TMEM87A: variants seen among roughly 807,000 people sequenced by gnomAD.
The protein encoded by TMEM87A is transmembrane protein 87A.
TMEM87A carries 50 observed loss-of-function variants against 90.0 expected under a neutral mutation model. The ratio of observed to expected loss-of-function variants is 0.56; its 90% CI spans 0.44 to 0.70. TMEM87A has a LOEUF of 0.70. TMEM87A is among the 30% of genes least tolerant of loss of function. The pLI is 0.00. For missense variants in TMEM87A, 577 were observed against 660.5 expected, an observed-to-expected ratio of 0.87 and a Z score of 1.39; for synonymous variants, 226 against 226.7, an observed-to-expected ratio of 1.00 and a Z score of 0.03.
intron 4 of TMEM87A, among the ~76,000 whole-genome samples, chr15:42,262,748 A>G (rs1156410408): frequency 1.3e-5 from 2 of 152,210 alleles, no homozygotes; most frequent in African/African-American, 4.8e-5. Flanking sequence ...TGTCTTCTTA[A>G]TAATAAACTT....
chr15:42,243,583 G>A (rs2050914701), intron 7 of TMEM87A, among the ~76,000 whole-genome samples: 1 of 146,854 alleles, frequency 6.8e-6, no homozygotes, highest in Non-Finnish European at 1.5e-5. Flanking sequence ...GGAATGGCGT[G>A]ATCTCGGCTC....
chr15:42,228,799 T>C lies in TMEM87A; in HGVS notation c.1153A>G (p.Thr385Ala). 1 of 1,601,144 alleles carries C rather than the reference T, an allele frequency of 6.2e-7. No homozygotes were observed. The highest frequency in any genetic ancestry group is 8.5e-7 in the Non-Finnish European group (1 of 1,175,340). The change falls in exon 13 of 20, where the codon ACA (threonine) becomes GCA (alanine). Residue 385 changes from threonine (T) to alanine (A), a missense_variant. Coordinates refer to ENST00000389834, the MANE Select transcript of TMEM87A (RefSeq NM_015497.5). ...CWWIFISLTQ[T>A]MKLLKLRRNI... The stretch of plus-strand genomic sequence containing the variant: ...CTCCGAAGTTTTAATAGCTTCATTG[T>C]TTGAGTCAGGCTAATAAATATGTGT...
chr15:42,213,484 T>G (rs901138306), intron 19 of TMEM87A, among the ~76,000 whole-genome samples: 3 of 152,122 alleles, frequency 2.0e-5, no homozygotes, highest in South Asian at 2.1e-4. Flanking sequence ...ATGGTTTCTG[T>G]AGGGAATGGT....
At chr15:42,249,576 A>C (rs962136424) in intron 6 of TMEM87A, among the ~76,000 whole-genome samples, 3 of 152,116 alleles carry the variant, frequency 2.0e-5, no homozygotes, top group Non-Finnish European at 4.4e-5. Flanking sequence ...TTCAGTTTCC[A>C]TGTATTTGTG....
At chr15:42,250,216 A>T (rs1326863214) in intron 6 of TMEM87A, among the ~76,000 whole-genome samples, 1 of 152,188 alleles carries the variant, frequency 6.6e-6, no homozygotes, top group East Asian at 1.9e-4. Flanking sequence ...TTGACTCTTT[A>T]TCCAATTTGC....
Position 42,231,254 on chromosome 15 carries a change from T to C in TMEM87A, c.1069A>G (p.Thr357Ala), listed in dbSNP as rs770373011. The C allele has an allele frequency of 6.3e-7, 1 of 1,574,932 alleles. No individual in the cohort carries two copies. The highest frequency in any genetic ancestry group is 1.2e-5 in the South Asian group (1 of 84,522). ...EGVLRVTGAQTDLASLAFIPL... is the reference protein window; with the variant it reads ...EGVLRVTGAQADLASLAFIPL... ...ATAAAGGCCAAGGAAGCAAGATCAG[T>C]CTGGGCCTGCAGACAAAGAAAAAGA... Residue 357 changes from threonine to alanine, a missense_variant, in exon 12 of 20, where the codon ACT becomes GCT. Coordinates refer to ENST00000389834, the MANE Select transcript of TMEM87A (RefSeq NM_015497.5).
intron 4 of TMEM87A, among the ~76,000 whole-genome samples, chr15:42,263,229 T>A (rs1361200183): frequency 1.3e-5 from 2 of 152,194 alleles, no homozygotes; most frequent in African/African-American, 2.4e-5. Flanking sequence ...TAAAAAGGAA[T>A]GAAATTCTGA....
At chr15:42,249,739 T>C (rs1459693586) in intron 6 of TMEM87A, among the ~76,000 whole-genome samples, 2 of 152,232 alleles carry the variant, frequency 1.3e-5, no homozygotes, top group South Asian at 4.1e-4. Flanking sequence ...CTGAGAAGAA[T>C]GTACAATCTG....
intron 8 of TMEM87A, 128 bp from the exon 9 acceptor site, chr15:42,237,743 G>T: frequency 1.3e-6 from 1 of 779,858 alleles, no homozygotes; most frequent in Non-Finnish European, 1.8e-6. Context: ...GCCTAGGATG[G>T]TCTTGAACTT....
intron 14 of TMEM87A, 129 bp from the exon 15 acceptor site, chr15:42,227,038 G>A (rs768565546): frequency 1.2e-6 from 1 of 814,072 alleles, no homozygotes; most frequent in Non-Finnish European, 1.9e-6. Flanking sequence ...CCTGCTACGT[G>A]CTCAGTACTG....
chr15:42,250,181 C>A lies in TMEM87A; in HGVS notation c.505-6014G>T, dbSNP rs192046290. Among the ~76,000 whole-genome samples the A allele has an allele frequency of 1.2e-4, 19 of 152,312 alleles. No homozygotes were observed. In the East Asian group the frequency reaches 3.7e-3, roughly 29 times the overall value. On this transcript the variant is annotated intron_variant, in intron 6 of 19. Transcript: ENST00000389834. Reference sequence around the variant, plus strand: ...TTGTCTCTGCACATGAGATGGGTATCCTGAATACAGCACACCAATGGGTCT... The same window carrying A: ...TTGTCTCTGCACATGAGATGGGTATACTGAATACAGCACACCAATGGGTCT...
chr15:42,255,936 A>ATTTTT (rs10632070), intron 6 of TMEM87A, among the ~76,000 whole-genome samples: 1 of 140,552 alleles, frequency 7.1e-6, no homozygotes, highest in African/African-American at 2.7e-5. Context: ...CACCCAGCTA[A>ATTTTT]TTTTTTTTTT....
At chr15:42,272,543 G>C (rs905310140) in intron 1 of TMEM87A, 3 of 199,026 alleles carry the variant, frequency 1.5e-5, no homozygotes, top group Non-Finnish European at 2.1e-5. Context: ...ATGCTTTTCA[G>C]CATTTCCTCC....
chr15:42,217,581 T>G (rs935853678), intron 19 of TMEM87A, among the ~76,000 whole-genome samples: 2 of 152,180 alleles, frequency 1.3e-5, no homozygotes, highest in Non-Finnish European at 2.9e-5. Context: ...TCTGACCATA[T>G]AACTTTGAAA....
chr15:42,227,638 C>T (rs967334270), intron 14 of TMEM87A, 73 bp downstream of exon 14: 1 of 1,406,506 alleles, frequency 7.1e-7, no homozygotes, highest in African/African-American at 1.4e-5. Context: ...CTTAGAAGAA[C>T]CTTACCACTG....
intron 4 of TMEM87A, among the ~76,000 whole-genome samples, chr15:42,263,616 T>C (rs1419664183): frequency 6.6e-6 from 1 of 152,036 alleles, no homozygotes; most frequent in Admixed American, 6.5e-5. Flanking sequence ...GGCGTAATGG[T>C]GTGAATCTGT....
intron 19 of TMEM87A, among the ~76,000 whole-genome samples, chr15:42,214,464 T>C (rs1239275876): frequency 6.6e-6 from 1 of 152,106 alleles, no homozygotes; most frequent in African/African-American, 2.4e-5. Flanking sequence ...TAACGGCACG[T>C]TGAAAGAATC....
chr15:42,243,062 C>A (rs1014535093), intron 7 of TMEM87A, among the ~76,000 whole-genome samples: 2 of 151,990 alleles, frequency 1.3e-5, no homozygotes, highest in Admixed American at 6.5e-5. Flanking sequence ...GTCAGGAGAT[C>A]GAAACCATCC....
chr15:42,271,076 G>C (rs1484395161), intron 2 of TMEM87A, among the ~76,000 whole-genome samples: 1 of 152,158 alleles, frequency 6.6e-6, no homozygotes, highest in East Asian at 1.9e-4. Flanking sequence ...TAGAAATAAA[G>C]CTGCCCACGA....
Sources: gnomAD v4.1 joint callset for allele counts (sites outside exome capture counted in the v4.1 genomes callset) on GRCh38, gnomAD v4.1.1 for gene constraint, MANE v1.5 for transcripts, NCBI Gene and HGNC (gene_info 2026-07-23, HGNC 2026-07-21) for gene names.